The following ADAM7 variants were observed in gnomAD, a reference collection of about 807,000 sequenced individuals.
ADAM7 encodes the protein ADAM metallopeptidase domain 7, also known as disintegrin and metalloproteinase domain-containing protein 7.
In ADAM7, 97 loss-of-function variants were observed where a neutral mutation model predicts 102.9. That is an observed-to-expected ratio of 0.94 (90% CI 0.80 to 1.12). The LOEUF (loss-of-function observed/expected upper bound fraction) is 1.12, where lower values mean the gene tolerates loss of function less well. Ranked by LOEUF, ADAM7 falls within the 50% of genes most tolerant of loss-of-function variation. ADAM7 has a pLI of 0.00. For synonymous variants in ADAM7, 334 were observed against 304.4 expected, an observed-to-expected ratio of 1.10 and a Z score of -1.01; for missense variants, 991 against 908.7, an observed-to-expected ratio of 1.09 and a Z score of -1.16.
At chr8:24,441,235 C>A in intron 1 of ADAM7, 75 bp downstream of exon 1, 2 of 1,405,240 alleles carry the variant, frequency 1.4e-6, no homozygotes, top group Non-Finnish European at 2.0e-6. Context: ...AAACTTTAAA[C>A]TGTAAGTGAT....
intron 2 of ADAM7, among the ~76,000 whole-genome samples, chr8:24,445,187 T>C (rs1585844887): frequency 6.6e-6 from 1 of 151,922 alleles, no homozygotes; most frequent in East Asian, 1.9e-4. Flanking sequence ...CACACACACA[T>C]ACACACCTCT....
At chr8:24,480,945 C>T (rs548679212) in intron 8 of ADAM7, among the ~76,000 whole-genome samples, 2 of 152,204 alleles carry the variant, frequency 1.3e-5, no homozygotes, top group East Asian at 3.9e-4. Context: ...GCCTGTAGTT[C>T]CAACTACTCA....
In ADAM7 at chr8:24,442,551, G is replaced by T; in HGVS notation, c.131G>T (p.Gly44Val). The change falls in exon 2 of 22, where the codon GGA becomes GTA. Residue 44 changes from glycine to valine, a missense_variant. By Grantham distance (109) the Gly-to-Val change is moderately radical. Coordinates refer to ENST00000175238, the MANE Select transcript of ADAM7 (RefSeq NM_003817.4). Reference sequence around the variant, plus strand: ...CCTCTGATACAGAAGCGAGATACTGGACACACCCATGATGATGACATACTG... The same window carrying T: ...CCTCTGATACAGAAGCGAGATACTGTACACACCCATGATGATGACATACTG... ...KLPLIQKRDT[G>V]HTHDDDILKT... The T allele has an allele frequency of 1.2e-6, 2 of 1,613,964 alleles. No individual in the cohort carries two copies. Among genetic ancestry groups the T allele is most frequent in the Non-Finnish European group, 1.7e-6 (2 of 1,179,904 alleles).
intron 3 of ADAM7, among the ~76,000 whole-genome samples, chr8:24,461,704 G>A (rs562234697): frequency 1.2e-3 from 188 of 151,432 alleles, no homozygotes; most frequent in Non-Finnish European, 2.4e-3. Context: ...CTCTTTTTCA[G>A]GTTAGGTAAT....
rs758826469 is a variant in ADAM7 at position 24,492,480 on chromosome 8, C to G, written c.1553-15C>G. On this transcript the variant is annotated splice_polypyrimidine_tract_variant and intron_variant, in intron 14 of 21. Coordinates refer to ENST00000175238, the MANE Select transcript of ADAM7 (RefSeq NM_003817.4). ...ATGCTTTATTGTTTTACTTTTATACCATTTTTTACCCCAGAGGCAATAGAG... is the reference window on the plus strand; with the variant it reads ...ATGCTTTATTGTTTTACTTTTATACGATTTTTTACCCCAGAGGCAATAGAG... 6.4e-7 allele frequency: 1 copy of G among 1,551,448 alleles called. No homozygotes were observed. The highest frequency in any genetic ancestry group is 8.8e-7 in the Non-Finnish European group (1 of 1,138,534).
At chr8:24,443,253 T>A (rs1818436085) in intron 2 of ADAM7, among the ~76,000 whole-genome samples, 1 of 152,184 alleles carries the variant, frequency 6.6e-6, no homozygotes, top group Non-Finnish European at 1.5e-5. Context: ...CCAAACGTAC[T>A]ATGGAAATCC....
At position 24,463,971 on chromosome 8, in the gene ADAM7, G is replaced by T; in HGVS notation, c.312+11G>T. 3 of 1,601,420 alleles carry T rather than the reference G, an allele frequency of 1.9e-6. No individual in the cohort carries two copies. The highest frequency in any genetic ancestry group is 4.5e-5 in the East Asian group (2 of 44,770). On this transcript the variant is annotated intron_variant, in intron 4 of 21. Transcript: ENST00000175238. ...CATCCTCAGATCATGGTATCTTATG[G>T]AACTTTACTGTGTCTCTTCTCTAAA...
At chr8:24,492,215 A>G in intron 14 of ADAM7, 117 bp downstream of exon 14, 1 of 1,050,948 alleles carries the variant, frequency 9.5e-7, no homozygotes, top group Non-Finnish European at 1.4e-6. Context: ...TTATTCCAAG[A>G]TATTGCTTAG....
rs1820988774 is a variant in ADAM7 at position 24,507,408 on chromosome 8, T to C, written c.2209-72T>C. On this transcript the variant is annotated intron_variant, in intron 20 of 21. Coordinates refer to ENST00000175238, the MANE Select transcript of ADAM7 (RefSeq NM_003817.4). ...GCTCATGTGTATGTGTGCACATGCA[T>C]GTCTGTGTGTGGATGCCCATGCGTG... 22 of 1,230,664 alleles carry C rather than the reference T, an allele frequency of 1.8e-5. No individual in the cohort carries two copies. In the South Asian group the frequency reaches 2.4e-4, roughly 14 times the overall value. The allele number at this position is 1,230,664 out of a possible 1,614,324, so 76.2% of individuals were successfully genotyped here. A position where few individuals can be genotyped will look rare whatever the true frequency, so the allele number is the denominator to read the frequency against.
At chr8:24,496,647 C>CTTTAAGAT (rs1181462176) in intron 16 of ADAM7, among the ~76,000 whole-genome samples, 1 of 152,220 alleles carries the variant, frequency 6.6e-6, no homozygotes. Context: ...CATTTTGGAG[C>CTTTAAGAT]TTTAAGATTT....
At chr8:24,475,223 T>C (rs1175856826) in intron 7 of ADAM7, among the ~76,000 whole-genome samples, 2 of 152,208 alleles carry the variant, frequency 1.3e-5, no homozygotes, top group East Asian at 1.9e-4. Flanking sequence ...AACTCACTGA[T>C]TGATAAAGCA....
intron 8 of ADAM7, 30 bp from the exon 9 acceptor site, chr8:24,482,112 T>A: frequency 2.6e-6 from 4 of 1,520,770 alleles, no homozygotes; most frequent in Non-Finnish European, 3.5e-6. Context: ...GCAACTTGAC[T>A]TTGTGAAAAA....
intron 15 of ADAM7, 146 bp downstream of exon 15, chr8:24,492,743 A>T (rs1001637178): frequency 1.1e-5 from 7 of 617,444 alleles, no homozygotes; most frequent in African/African-American, 1.1e-4. Flanking sequence ...TGTCCTGATT[A>T]AAATTATGCT....
chr8:24,476,503 T>A lies in ADAM7; in HGVS notation c.704T>A (p.Met235Lys). The change falls in exon 8 of 22, where the codon ATG becomes AAG. Residue 235 changes from methionine (M) to lysine (K), a missense_variant and splice_region_variant. Met to Lys is a moderately conservative substitution (Grantham distance 95). Coordinates refer to ENST00000175238, the MANE Select transcript of ADAM7 (RefSeq NM_003817.4). ...RIWGMVNFVN[M>K]IYKTLNIHVT... ...TGGGGAATGGTCAATTTTGTCAACA[T>A]GGTAAGATTTGATACAGTTTTTGAA... is the stretch of plus-strand genomic sequence containing the variant. The A allele has an allele frequency of 2.5e-6, 4 of 1,604,836 alleles. No homozygotes were observed. The highest frequency in any genetic ancestry group is 3.4e-6 in the Non-Finnish European group (4 of 1,173,074).
At chr8:24,451,925 A>T (rs2129375657) in intron 3 of ADAM7, among the ~76,000 whole-genome samples, 1 of 150,978 alleles carries the variant, frequency 6.6e-6, no homozygotes, top group African/African-American at 2.4e-5. Context: ...GTCATTCAGG[A>T]GCAGGTTGTT....
At chr8:24,470,292 G>A (rs955607348) in intron 7 of ADAM7, among the ~76,000 whole-genome samples, 3 of 152,008 alleles carry the variant, frequency 2.0e-5, no homozygotes, top group African/African-American at 7.2e-5. Context: ...AATATATTCG[G>A]AGAAAGAAAT....
rs145264233 is a variant in ADAM7 at position 24,443,393 on chromosome 8, T to C, written c.156+817T>C. On this transcript the variant is annotated intron_variant, in intron 2 of 21. Transcript: ENST00000175238. Reference sequence around the variant, plus strand: ...CTAAACAGTCCCACTGAGATCTGTTTCCTATGGCTTGAGATGATTAAAATA... The same window carrying C: ...CTAAACAGTCCCACTGAGATCTGTTCCCTATGGCTTGAGATGATTAAAATA... Among the ~76,000 whole-genome samples the C allele has an allele frequency of 6.8e-4, 103 of 152,338 alleles. No homozygotes were observed. In the East Asian group the frequency reaches 0.019, roughly 29 times the overall value.
chr8:24,466,801 G>A lies in ADAM7; in HGVS notation c.392G>A (p.Gly131Glu). Residue 131 changes from glycine to glutamate, a missense_variant and splice_region_variant, in exon 6 of 22, where the codon GGA (glycine) becomes GAA (glutamate). Coordinates refer to ENST00000175238, the MANE Select transcript of ADAM7 (RefSeq NM_003817.4). Reference sequence around the variant, plus strand: ...AATTGTGTTCCCAATTTCTACAGGGGATTCTTCAGAATAAACGACCAAAGA... The same window carrying A: ...AATTGTGTTCCCAATTTCTACAGGGAATTCTTCAGAATAAACGACCAAAGA... Reference protein sequence around the residue: ...ASISTCNGLRGFFRINDQRYL... With the variant: ...ASISTCNGLREFFRINDQRYL... 1 of 1,611,596 alleles carries A rather than the reference G, an allele frequency of 6.2e-7. No individual in the cohort carries two copies. The highest frequency in any genetic ancestry group is 8.5e-7 in the Non-Finnish European group (1 of 1,179,262).
intron 7 of ADAM7, among the ~76,000 whole-genome samples, chr8:24,472,708 A>G (rs1819646426): frequency 6.6e-6 from 1 of 152,052 alleles, no homozygotes; most frequent in South Asian, 2.1e-4. Flanking sequence ...AAACAAAACA[A>G]TATAAATCCA....
Sources: gnomAD v4.1 joint callset for allele counts (sites outside exome capture counted in the v4.1 genomes callset) on GRCh38, gnomAD v4.1.1 for gene constraint, MANE v1.5 for transcripts, NCBI Gene and HGNC (gene_info 2026-07-23, HGNC 2026-07-21) for gene names.